Variants in DNM3 observed in about 807,000 individuals in gnomAD.
DNM3 encodes dynamin-3.
A neutral mutation model predicts 101.6 loss-of-function variants in DNM3; 47 were observed. The observed-to-expected ratio is 0.46, with a 90% CI of 0.37 to 0.59. The LOEUF (loss-of-function observed/expected upper bound fraction) is 0.59, where lower values mean the gene tolerates loss of function less well. DNM3 is among the 20% of genes least tolerant of loss of function. DNM3 has a pLI of 0.00. For synonymous variants in DNM3, 385 were observed against 387.9 expected (o/e 0.99, Z 0.09); for missense variants, 849 against 1,085.7 (o/e 0.78, Z 3.06).
chr1:172,113,906 C>T (rs1178663051), intron 13 of DNM3, among the ~76,000 whole-genome samples: 1 of 152,022 alleles, frequency 6.6e-6, no homozygotes, highest in Non-Finnish European at 1.5e-5. Flanking sequence ...CTGCCTACTG[C>T]CTAGAAAAGG....
At chr1:171,996,372 A>G (rs531782812) in intron 4 of DNM3, among the ~76,000 whole-genome samples, 21 of 152,292 alleles carry the variant, frequency 1.4e-4, no homozygotes, top group African/African-American at 4.8e-4. Flanking sequence ...TAGTTTCACC[A>G]GAATACTAGA....
chr1:172,388,492 C>T (rs770696527), intron 19 of DNM3, 81 bp from the exon 20 acceptor site: 212 of 1,205,794 alleles, frequency 1.8e-4, no homozygotes, highest in Admixed American at 3.8e-4. Context: ...TTTTAAAAAG[C>T]AGGAAGTTAC....
intron 14 of DNM3, among the ~76,000 whole-genome samples, chr1:172,201,825 G>C (rs2060163962): frequency 6.6e-6 from 1 of 152,180 alleles, no homozygotes; most frequent in African/African-American, 2.4e-5. Flanking sequence ...TGGAGGACCT[G>C]TCTAGTGAGG....
chr1:172,218,000 A>G (rs1466632093), intron 14 of DNM3, among the ~76,000 whole-genome samples: 1 of 152,180 alleles, frequency 6.6e-6, no homozygotes, highest in Non-Finnish European at 1.5e-5. Context: ...AAATTTCTGT[A>G]GTATATTTAT....
intron 20 of DNM3, among the ~76,000 whole-genome samples, chr1:172,395,315 C>A (rs1296838481): frequency 6.6e-6 from 1 of 151,886 alleles, no homozygotes; most frequent in Non-Finnish European, 1.5e-5. Flanking sequence ...GGATTACAGG[C>A]GTGCACCACC....
chr1:172,117,810 T>A (rs1329941525), intron 13 of DNM3, among the ~76,000 whole-genome samples: 1 of 152,152 alleles, frequency 6.6e-6, no homozygotes, highest in African/African-American at 2.4e-5. Flanking sequence ...AGCAGGTAAA[T>A]CCTTAGAAGC....
At chr1:172,391,087 C>T (rs964647291) in intron 20 of DNM3, among the ~76,000 whole-genome samples, 8 of 152,116 alleles carry the variant, frequency 5.3e-5, no homozygotes, top group African/African-American at 1.2e-4. Flanking sequence ...GCTGGATGGC[C>T]GGCACATGGG....
In DNM3 at chr1:172,253,561, C is replaced by G; in HGVS notation, c.1660-12C>G. On this transcript the variant is annotated splice_polypyrimidine_tract_variant and intron_variant, in intron 14 of 20. Coordinates refer to ENST00000627582, the MANE Select transcript of DNM3 (RefSeq NM_015569.5). Reference sequence around the variant, plus strand: ...TCTCCTCTCCCTCTTTTCTTTCTCTCTCTTATAATAGGAAAAAGAAAAGAA... The same window carrying G: ...TCTCCTCTCCCTCTTTTCTTTCTCTGTCTTATAATAGGAAAAAGAAAAGAA... 2.0e-6 allele frequency: 3 copies of G among 1,483,684 alleles called. No individual in the cohort carries two copies. Among genetic ancestry groups the G allele is most frequent in the Non-Finnish European group, 2.7e-6 (3 of 1,101,926 alleles). 91.9% of individuals were successfully genotyped at this position (1,483,684 alleles called of 1,614,324 possible).
chr1:172,177,028 C>T (rs533017659), intron 14 of DNM3, among the ~76,000 whole-genome samples: 1 of 151,910 alleles, frequency 6.6e-6, no homozygotes, highest in Admixed American at 6.6e-5. Flanking sequence ...CTCAGTAGGA[C>T]TTGGTGACTG....
Position 172,207,223 on chromosome 1 carries a change from G to A in DNM3, c.1660-46350G>A, listed in dbSNP as rs867152316. On this transcript the variant is annotated intron_variant, in intron 14 of 20. Transcript: ENST00000627582. ...TCCACAGGTATCAGAAAACACTGAC[G>A]TGATGCCTAGGGTTCCAGTGTTATA... Among the ~76,000 whole-genome samples, 16 of 152,126 alleles carry A rather than the reference G, an allele frequency of 1.1e-4. No individual in the cohort carries two copies. In the South Asian group the frequency reaches 1.7e-3, roughly 16 times the overall value.
chr1:172,323,104 C>A (rs2065791900), intron 16 of DNM3, among the ~76,000 whole-genome samples: 1 of 152,140 alleles, frequency 6.6e-6, no homozygotes, highest in African/African-American at 2.4e-5. Flanking sequence ...TTTCATGTAA[C>A]CTATGTGGAT....
downstream of DNM3, among the ~76,000 whole-genome samples, chr1:172,413,080 G>A (rs920350739): frequency 6.6e-6 from 1 of 152,164 alleles, no homozygotes; most frequent in Non-Finnish European, 1.5e-5. Context: ...GGAAGTGGAA[G>A]GAGGAAAGAT....
intron 4 of DNM3, among the ~76,000 whole-genome samples, chr1:171,995,075 G>A (rs1196714744): frequency 7.6e-6 from 1 of 132,338 alleles, no homozygotes; most frequent in African/African-American, 2.8e-5. Flanking sequence ...CATACGGCTT[G>A]TTGTTCTTAC....
intron 11 of DNM3, among the ~76,000 whole-genome samples, chr1:172,081,053 T>C (rs563671464): frequency 6.6e-6 from 1 of 152,066 alleles, no homozygotes; most frequent in Admixed American, 6.5e-5. Context: ...AGCTGCATAC[T>C]GGAGCTGTTC....
chr1:172,276,707 T>C (rs2063305754), intron 15 of DNM3, among the ~76,000 whole-genome samples: 1 of 151,904 alleles, frequency 6.6e-6, no homozygotes, highest in South Asian at 2.1e-4. Context: ...ATTCTTCTTA[T>C]GAGTTAGAGT....
intron 2 of DNM3, among the ~76,000 whole-genome samples, chr1:171,931,530 A>G (rs1233640078): frequency 1.3e-5 from 2 of 152,174 alleles, no homozygotes; most frequent in Non-Finnish European, 2.9e-5. Context: ...GTACATTTAG[A>G]TTTTTAAAAA....
At chr1:172,388,221 G>A (rs1021384798) in intron 19 of DNM3, among the ~76,000 whole-genome samples, 38 of 151,740 alleles carry the variant, frequency 2.5e-4, no homozygotes, top group East Asian at 5.8e-4. Context: ...GTGACAGAGC[G>A]AGACTCCGCC....
intron 16 of DNM3, among the ~76,000 whole-genome samples, chr1:172,317,227 A>G (rs1161346179): frequency 2.0e-5 from 3 of 151,936 alleles, no homozygotes; most frequent in South Asian, 2.1e-4. Flanking sequence ...TCTCTGGGAC[A>G]CATTCAAAGC....
intron 17 of DNM3, chr1:172,338,844 G>A (rs2066561843): frequency 2.1e-6 from 1 of 476,694 alleles, no homozygotes; most frequent in Admixed American, 2.2e-5. Context: ...CTTCATTATG[G>A]TTTTAAATCC....
Sources: gnomAD v4.1 joint callset for allele counts (sites outside exome capture counted in the v4.1 genomes callset) on GRCh38, gnomAD v4.1.1 for gene constraint, MANE v1.5 for transcripts, NCBI Gene and HGNC (gene_info 2026-07-23, HGNC 2026-07-21) for gene names.